The following TRIP12 variants were observed in gnomAD, a reference collection of about 807,000 sequenced individuals.
The protein encoded by TRIP12 is E3 ubiquitin-protein ligase TRIP12.
In TRIP12, 25 loss-of-function variants were observed where a neutral mutation model predicts 244.2. The observed-to-expected ratio is 0.10, with a 90% CI of 0.07 to 0.14. The LOEUF (loss-of-function observed/expected upper bound fraction) is 0.14. Among genes scored for constraint, TRIP12 ranks in the 10% least tolerant of loss-of-function variants. TRIP12 has a pLI of 1.00. For missense variants in TRIP12, 1,677 were observed against 2,486.4 expected (o/e 0.67, Z 6.92); for synonymous variants, 905 against 873.1 (o/e 1.04, Z -0.64).
At chr2:229,785,884 C>T (rs761104885) in intron 33 of TRIP12, 29 bp from the exon 34 acceptor site, 1 of 1,587,250 alleles carries the variant, frequency 6.3e-7, no homozygotes, top group South Asian at 1.1e-5. Context: ...TGTCAGGAAA[C>T]TATGCTCTAC....
At chr2:229,824,639 G>A (rs934584673) in intron 8 of TRIP12, among the ~76,000 whole-genome samples, 4 of 152,202 alleles carry the variant, frequency 2.6e-5, no homozygotes, top group Non-Finnish European at 5.9e-5. Flanking sequence ...CATGCATGTG[G>A]CAGCTATGAA....
chr2:229,909,025 G>A (rs7590837), intron 1 of TRIP12, among the ~76,000 whole-genome samples: 2,089 of 150,276 alleles, frequency 0.014, 52 homozygotes, highest in African/African-American at 0.047. Context: ...GGGAGGCAGA[G>A]GTTGCACTGA....
chr2:229,780,442 T>C (rs2037736458), intron 34 of TRIP12, among the ~76,000 whole-genome samples: 1 of 152,196 alleles, frequency 6.6e-6, no homozygotes, highest in African/African-American at 2.4e-5. Flanking sequence ...GGAGCAAGCG[T>C]AATCCTTACA....
At chr2:229,830,681 T>G in intron 7 of TRIP12, 75 bp downstream of exon 7, 1 of 1,430,512 alleles carries the variant, frequency 7.0e-7, no homozygotes, top group Non-Finnish European at 9.7e-7. Context: ...TTTAACTAAA[T>G]TAATTTCAAT....
At chr2:229,889,776 G>C (rs1251688394) in intron 1 of TRIP12, among the ~76,000 whole-genome samples, 2 of 152,230 alleles carry the variant, frequency 1.3e-5, no homozygotes, top group East Asian at 3.9e-4. Context: ...GGACTCATTA[G>C]GTGATTATGA....
intron 1 of TRIP12, chr2:229,894,394 G>A (rs1458206979): frequency 6.6e-6 from 1 of 152,090 alleles, no homozygotes; most frequent in Non-Finnish European, 1.5e-5. Flanking sequence ...ATACGGAGAA[G>A]AATAGCATGG....
intron 6 of TRIP12, among the ~76,000 whole-genome samples, chr2:229,831,631 A>C (rs1231325201): frequency 6.6e-6 from 1 of 152,202 alleles, no homozygotes; most frequent in Non-Finnish European, 1.5e-5. Flanking sequence ...ACTCTGTCTC[A>C]AAACAAAAAC....
intron 1 of TRIP12, among the ~76,000 whole-genome samples, chr2:229,887,047 AC>A: frequency 6.6e-6 from 1 of 152,314 alleles, no homozygotes; most frequent in South Asian, 2.1e-4. Flanking sequence ...TACAAGTTTG[AC>A]TGAGCAAACA....
chr2:229,794,642 C>G (rs1454476543), intron 26 of TRIP12, among the ~76,000 whole-genome samples: 1 of 152,056 alleles, frequency 6.6e-6, no homozygotes, highest in Non-Finnish European at 1.5e-5. Flanking sequence ...TCAAAATATT[C>G]CATGAAACTT....
chr2:229,886,760 C>T (rs972485555), intron 1 of TRIP12, among the ~76,000 whole-genome samples: 5 of 152,144 alleles, frequency 3.3e-5, no homozygotes, highest in African/African-American at 1.2e-4. Context: ...AGCCACTGTG[C>T]CCGGCCAAAC....
rs184691958 is a variant in TRIP12, at chr2:229,764,574, G to C, written c.*2980C>G. The C allele has an allele frequency of 1.3e-5, 2 of 152,272 alleles. No individual in the cohort carries two copies. The highest frequency in any genetic ancestry group is 2.1e-4 in the South Asian group (1 of 4,826). The allele number at this position is 152,272 out of a possible 1,614,324, so 9.4% of individuals were successfully genotyped here. On this transcript the variant is annotated 3_prime_UTR_variant, in exon 42 of 42. Transcript: ENST00000675903. ...GAGCTCACGCTCACAGACAGGAGTC[G>C]AGAGTACAGCTGCAGCACCTGCTAA... is the stretch of plus-strand genomic sequence containing the variant.
At chr2:229,879,888 A>G in intron 2 of TRIP12, 94 bp downstream of exon 2, 1 of 1,360,174 alleles carries the variant, frequency 7.4e-7, no homozygotes, top group Non-Finnish European at 1.0e-6. Context: ...ACCCATATGC[A>G]ATGAACCATT....
intron 20 of TRIP12, among the ~76,000 whole-genome samples, chr2:229,802,992 C>T (rs549405461): frequency 1.3e-5 from 2 of 152,172 alleles, no homozygotes; most frequent in Non-Finnish European, 2.9e-5. Context: ...CTATCTGTCC[C>T]GGAATCATAG....
chr2:229,770,266 C>A (rs1467796897), intron 39 of TRIP12, among the ~76,000 whole-genome samples: 3 of 152,126 alleles, frequency 2.0e-5, no homozygotes, highest in Non-Finnish European at 4.4e-5. Flanking sequence ...CTGTGCCCAG[C>A]CTATTTAATT....
chr2:229,788,700 T>A, intron 32 of TRIP12, 98 bp downstream of exon 32: 1 of 1,448,592 alleles, frequency 6.9e-7, no homozygotes. Flanking sequence ...AATAAACATT[T>A]GACTAGGTCC....
At chr2:229,858,689 CCTTAA>C in intron 4 of TRIP12, 78 bp downstream of exon 4, 1 of 1,244,848 alleles carries the variant, frequency 8.0e-7, no homozygotes, top group South Asian at 1.6e-5. Context: ...GGGAAAAAAC[CCTTAA>C]CTTTAAAGCA....
intron 2 of TRIP12, among the ~76,000 whole-genome samples, chr2:229,871,222 A>T (rs780006838): frequency 5.2e-4 from 78 of 151,198 alleles, no homozygotes; most frequent in Non-Finnish European, 8.1e-4. Context: ...GGGACCGGAA[A>T]GGAAAGAAAA....
At position 229,791,217 on chromosome 2, in the gene TRIP12, T is replaced by A; in HGVS notation, c.4450A>T (p.Lys1484Ter). ...CCTCTTTTACCACCAACACAATCTTTATTACTTTCTTCATCCTCTCTCACA... is the reference window on the plus strand; with the variant it reads ...CCTCTTTTACCACCAACACAATCTTAATTACTTTCTTCATCCTCTCTCACA... ...KPVREDEESN[K>*]DCVGGKRGRA... Residue 1484 changes from lysine (K) to a stop codon, truncating the protein, a stop_gained, in exon 30 of 42, where the codon AAA becomes TAA. Coordinates refer to ENST00000675903, the MANE Select transcript of TRIP12 (RefSeq NM_001348323.3). LOFTEE classifies it high-confidence loss of function. 1 of 1,614,154 alleles carries A rather than the reference T, an allele frequency of 6.2e-7. No homozygotes were observed. The highest frequency in any genetic ancestry group is 8.5e-7 in the Non-Finnish European group (1 of 1,179,994).
intron 24 of TRIP12, 39 bp from the exon 25 acceptor site, chr2:229,796,821 G>GAC: frequency 6.6e-7 from 1 of 1,505,370 alleles, no homozygotes; most frequent in South Asian, 1.4e-5. Flanking sequence ...ATTGATTTAA[G>GAC]CAGCACTTAA....
Sources: allele counts gnomAD v4.1 joint callset (sites outside exome capture counted in the v4.1 genomes callset), GRCh38; gene constraint gnomAD v4.1.1; transcripts MANE v1.5; gene names NCBI Gene and HGNC (gene_info 2026-07-23, HGNC 2026-07-21).